Variants in SBF2 observed in about 807,000 individuals in gnomAD.
SBF2 encodes the protein SET binding factor 2, also known as myotubularin-related protein 13.
Under a neutral mutation model 225.2 loss-of-function variants are expected in SBF2, and 112 were observed. The ratio of observed to expected loss-of-function variants is 0.50; its 90% CI spans 0.43 to 0.58. SBF2 has a LOEUF of 0.58. Among genes scored for constraint, SBF2 ranks in the 20% least tolerant of loss-of-function variants. SBF2 has a pLI of 0.00. For missense variants in SBF2, 1,996 were observed against 2,206.2 expected (o/e 0.90, Z 1.91); for synonymous variants, 763 against 773.3 (o/e 0.99, Z 0.22).
intron 27 of SBF2, among the ~76,000 whole-genome samples, chr11:9,831,170 G>A (rs925381225): frequency 1.3e-5 from 2 of 151,960 alleles, no homozygotes; most frequent in African/African-American, 2.4e-5. Flanking sequence ...GCTAATTTTT[G>A]TATTTTTTTG....
At chr11:9,789,431 C>T in intron 34 of SBF2, 89 bp from the exon 35 acceptor site, 1 of 875,400 alleles carries the variant, frequency 1.1e-6, no homozygotes, top group Non-Finnish European at 1.9e-6. Context: ...TTATAGAGTC[C>T]AGGGGAGGAA....
chr11:10,071,174 C>A (rs746856527), intron 2 of SBF2, among the ~76,000 whole-genome samples: 105 of 152,120 alleles, frequency 6.9e-4, no homozygotes, highest in Admixed American at 2.6e-3. Flanking sequence ...CCTGATTGCC[C>A]TGGCTGGAAC....
intron 16 of SBF2, among the ~76,000 whole-genome samples, chr11:9,950,020 G>T (rs1248613375): frequency 6.6e-6 from 1 of 152,000 alleles, no homozygotes; most frequent in Non-Finnish European, 1.5e-5. Flanking sequence ...AAATGCTTGA[G>T]GGAGATTGGG....
chr11:10,071,096 T>A (rs1306716686), intron 2 of SBF2, among the ~76,000 whole-genome samples: 2 of 152,146 alleles, frequency 1.3e-5, no homozygotes, highest in Non-Finnish European at 2.9e-5. Flanking sequence ...TACAATATTG[T>A]AATCCACAAA....
Position 10,272,365 on chromosome 11 carries a change from C to G in SBF2, c.55+21650G>C, listed in dbSNP as rs1591345386. The G allele has an allele frequency of 2.0e-5, 11 of 553,344 alleles. 1 individual carries two copies. The East Asian group carries it at 3.4e-4, about 17-fold the overall frequency. The allele number at this position is 553,344 out of a possible 1,614,324, so 34.3% of individuals were successfully genotyped here. A position where few individuals can be genotyped will look rare whatever the true frequency, so the allele number is the denominator to read the frequency against. ...TTACTTACTTGCTAGTTACCAGTTA[C>G]TCACACAATTTCCTTAAGTCTTGCA... On this transcript the variant is annotated intron_variant, in intron 1 of 39. Transcript: ENST00000256190.
intron 1 of SBF2, among the ~76,000 whole-genome samples, chr11:10,273,124 G>A (rs1023747198): frequency 6.6e-6 from 1 of 152,050 alleles, no homozygotes; most frequent in Non-Finnish European, 1.5e-5. Context: ...TCCCTGGAGT[G>A]AGCCTTTTTG....
At chr11:9,976,850 C>A (rs1946714215) in intron 13 of SBF2, among the ~76,000 whole-genome samples, 1 of 151,638 alleles carries the variant, frequency 6.6e-6, no homozygotes, top group Non-Finnish European at 1.5e-5. Flanking sequence ...CTCACTGCAA[C>A]CTCCACCTCC....
Position 9,832,255 on chromosome 11 carries a change from A to C in SBF2, c.3621T>G (p.Gly1207=). 2.5e-6 allele frequency: 4 copies of C among 1,614,140 alleles called. No individual in the cohort carries two copies. Among genetic ancestry groups the C allele is most frequent in the Non-Finnish European group, 3.4e-6 (4 of 1,180,000 alleles). The part of the protein sequence containing the change: ...SGGFHGKGVV[G]LFKSQNSPQA... ...GAGGGGAGTTCTGAGATTTGAAAAG[A>C]CCAACGACTCCCTTCCCATGGAATC... The change falls in exon 27 of 40, where the codon GGT becomes GGG. Residue 1207 remains glycine, a synonymous_variant. Transcript: ENST00000256190.
At chr11:9,958,423 T>C (rs1866331840) in intron 16 of SBF2, 1 of 146,168 alleles carries the variant, frequency 6.8e-6, no homozygotes, top group Admixed American at 6.9e-5. Flanking sequence ...AGTGGCGCAA[T>C]CTCGGCTCAC....
At chr11:10,074,004 A>G (rs1255459016) in intron 2 of SBF2, among the ~76,000 whole-genome samples, 1 of 152,224 alleles carries the variant, frequency 6.6e-6, no homozygotes, top group Non-Finnish European at 1.5e-5. Context: ...GTTGAATCAA[A>G]TGTAATTATC....
intron 2 of SBF2, among the ~76,000 whole-genome samples, chr11:10,081,530 G>T (rs993737491): frequency 6.6e-6 from 1 of 152,022 alleles, no homozygotes; most frequent in Admixed American, 6.6e-5. Context: ...AGGCTGAGAC[G>T]GATAGATCGT....
At chr11:9,829,535 C>G (rs950732532) in intron 27 of SBF2, 39 bp from the exon 28 acceptor site, 9 of 1,515,450 alleles carry the variant, frequency 5.9e-6, no homozygotes, top group Middle Eastern at 3.7e-4. Flanking sequence ...TAAACTGTCT[C>G]TGTGTTAACA....
At chr11:9,980,850 G>A (rs1946925815) in intron 13 of SBF2, among the ~76,000 whole-genome samples, 1 of 152,188 alleles carries the variant, frequency 6.6e-6, no homozygotes, top group Admixed American at 6.5e-5. Context: ...ACAGGCATGA[G>A]CCACTGCGCC....
intron 11 of SBF2, 130 bp downstream of exon 11, chr11:9,992,860 C>T: frequency 1.5e-6 from 1 of 670,454 alleles, no homozygotes; most frequent in Non-Finnish European, 2.5e-6. Context: ...GATATCTAAC[C>T]ACACAGAGAT....
At chr11:9,852,896 C>T (rs1460385853) in intron 20 of SBF2, 147 bp from the exon 21 acceptor site, 2 of 700,310 alleles carry the variant, frequency 2.9e-6, no homozygotes, top group East Asian at 5.4e-5. Flanking sequence ...CCAGCAATTC[C>T]ACTTCTACAT....
intron 16 of SBF2, among the ~76,000 whole-genome samples, chr11:9,945,032 G>A (rs1026411175): frequency 4.6e-5 from 7 of 152,148 alleles, no homozygotes; most frequent in African/African-American, 1.2e-4. Flanking sequence ...TTGAGCCCAG[G>A]AGGTTGAGGA....
At chr11:10,237,220 A>G (rs1959107561) in intron 1 of SBF2, among the ~76,000 whole-genome samples, 1 of 152,124 alleles carries the variant, frequency 6.6e-6, no homozygotes, top group Non-Finnish European at 1.5e-5. Context: ...GGTGGTATAT[A>G]CCTGTTATCC....
intron 16 of SBF2, among the ~76,000 whole-genome samples, chr11:9,955,501 T>G (rs961089314): frequency 6.6e-6 from 1 of 152,016 alleles, no homozygotes; most frequent in Non-Finnish European, 1.5e-5. Context: ...GCTAGCCAAA[T>G]GGTAGGCAGT....
chr11:10,294,317 CG>C (rs1229056993), upstream of SBF2: 11 of 340,906 alleles, frequency 3.2e-5, no homozygotes, highest in African/African-American at 2.4e-4. Flanking sequence ...CCACCCTCCG[CG>C]GGCCTCGCGG....
Sources: allele counts gnomAD v4.1 joint callset (sites outside exome capture counted in the v4.1 genomes callset), GRCh38; gene constraint gnomAD v4.1.1; transcripts MANE v1.5; gene names NCBI Gene and HGNC (gene_info 2026-07-23, HGNC 2026-07-21).